The following ADGRL3 variants were observed in gnomAD, a reference collection of about 807,000 sequenced individuals.
ADGRL3 encodes the protein adhesion G protein-coupled receptor L3.
In ADGRL3, 62 loss-of-function variants were observed where a neutral mutation model predicts 153.5. The ratio of observed to expected loss-of-function variants is 0.40; its 90% CI spans 0.33 to 0.50. The LOEUF (loss-of-function observed/expected upper bound fraction) is 0.50. ADGRL3 is among the 20% of genes least tolerant of loss of function. ADGRL3 has a pLI of 0.47. For synonymous variants in ADGRL3, 710 were observed against 672.5 expected, an observed-to-expected ratio of 1.06 and a Z score of -0.86; for missense variants, 1,641 against 1,859.4, an observed-to-expected ratio of 0.88 and a Z score of 2.16.
intron 4 of ADGRL3, among the ~76,000 whole-genome samples, chr4:61,585,734 A>G (rs2098943813): frequency 6.6e-6 from 1 of 151,934 alleles, no homozygotes; most frequent in Non-Finnish European, 1.5e-5. Context: ...TTAACATTTG[A>G]CTCTTTTCCA....
At chr4:61,581,461 A>G (rs1360928140) in intron 4 of ADGRL3, among the ~76,000 whole-genome samples, 1 of 152,002 alleles carries the variant, frequency 6.6e-6, no homozygotes, top group Non-Finnish European at 1.5e-5. Context: ...CCACGGGACA[A>G]TTCCCTCCTA....
intron 8 of ADGRL3, among the ~76,000 whole-genome samples, chr4:61,741,415 G>A (rs998653133): frequency 5.3e-5 from 8 of 152,220 alleles, no homozygotes; most frequent in African/African-American, 1.7e-4. Context: ...AGCCCTATCT[G>A]TATTTTTATG....
At chr4:61,668,079 T>C (rs2094863141) in intron 5 of ADGRL3, among the ~76,000 whole-genome samples, 1 of 152,254 alleles carries the variant, frequency 6.6e-6, no homozygotes, top group Non-Finnish European at 1.5e-5. Flanking sequence ...GGACTTTTCA[T>C]ATATGATGAA....
intron 1 of ADGRL3, among the ~76,000 whole-genome samples, chr4:61,286,744 A>G (rs896985326): frequency 6.6e-6 from 1 of 151,808 alleles, no homozygotes; most frequent in Non-Finnish European, 1.5e-5. Context: ...TTTTGAAAAA[A>G]CAGTATTTTT....
intron 1 of ADGRL3, among the ~76,000 whole-genome samples, chr4:61,284,039 G>T (rs2093827641): frequency 6.6e-6 from 1 of 151,884 alleles, no homozygotes; most frequent in Non-Finnish European, 1.5e-5. Context: ...AGTACCTAAT[G>T]GATCCCAATG....
intron 1 of ADGRL3, among the ~76,000 whole-genome samples, chr4:61,282,045 G>C (rs915146582): frequency 2.6e-5 from 4 of 151,892 alleles, no homozygotes; most frequent in African/African-American, 9.7e-5. Context: ...ATTCTGTATA[G>C]AATGACTTCT....
At chr4:61,338,268 T>C (rs1184990740) in intron 1 of ADGRL3, among the ~76,000 whole-genome samples, 1 of 150,266 alleles carries the variant, frequency 6.7e-6, no homozygotes, top group Admixed American at 6.6e-5. Flanking sequence ...TGAGACTCTG[T>C]CTCAATTTAA....
At chr4:61,750,722 G>A (rs2152054770) in intron 8 of ADGRL3, among the ~76,000 whole-genome samples, 1 of 151,146 alleles carries the variant, frequency 6.6e-6, no homozygotes, top group East Asian at 2.0e-4. Flanking sequence ...CCCGGGAGGC[G>A]GAGCTTGCAG....
chr4:61,880,541 T>C (rs1434791989), intron 9 of ADGRL3, among the ~76,000 whole-genome samples: 2 of 152,188 alleles, frequency 1.3e-5, no homozygotes, highest in African/African-American at 4.8e-5. Context: ...AAATTACAGA[T>C]ATTTATTTTG....
intron 8 of ADGRL3, among the ~76,000 whole-genome samples, chr4:61,757,911 T>G (rs1248034822): frequency 6.6e-6 from 1 of 152,202 alleles, no homozygotes; most frequent in African/African-American, 2.4e-5. Context: ...GTTGCTCAGT[T>G]TCCATGTAGC....
intron 5 of ADGRL3, among the ~76,000 whole-genome samples, chr4:61,612,465 A>G (rs2149701962): frequency 6.6e-6 from 1 of 152,294 alleles, no homozygotes; most frequent in Middle Eastern, 3.4e-3. Context: ...CCTTTTAGTT[A>G]TTTGTTGGAT....
Position 61,806,350 on chromosome 4 carries a change from G to GGT in ADGRL3, c.1400-7448_1400-7447dup, listed in dbSNP as rs1305008443. On this transcript the variant is annotated intron_variant, in intron 8 of 26. Transcript: ENST00000683033. ...TCTAGAATAATTAGTGGGTAGCCAA[G>GGT]GTGTGTGTGTGTATGTGTGTATTTA... Among the ~76,000 whole-genome samples the GGT allele has an allele frequency of 2.6e-5, 4 of 151,502 alleles. No individual in the cohort carries two copies. In the East Asian group the frequency reaches 7.7e-4, roughly 29 times the overall value.
chr4:61,598,691 A>G lies in ADGRL3; in HGVS notation c.473+11251A>G, dbSNP rs150885997. The stretch of plus-strand genomic sequence containing the variant: ...GAGTGAGATCATAACTTCTGATGTA[A>G]GTATATAAGGTATATATGACATATA... On this transcript the variant is annotated intron_variant, in intron 5 of 26. Transcript: ENST00000683033. Among the ~76,000 whole-genome samples the G allele has an allele frequency of 1.3e-4, 20 of 152,338 alleles. No individual in the cohort carries two copies. The East Asian group carries it at 1.5e-3, about 12-fold the overall frequency.
rs893716249 is a variant in ADGRL3, at chr4:61,800,231, T to A, written c.1400-13578T>A. Among the ~76,000 whole-genome samples the A allele has an allele frequency of 5.9e-5, 9 of 152,270 alleles. No individual in the cohort carries two copies. The East Asian group carries it at 1.5e-3, about 26-fold the overall frequency. On this transcript the variant is annotated intron_variant, in intron 8 of 26. Coordinates refer to ENST00000683033, the MANE Select transcript of ADGRL3 (RefSeq NM_001387552.1). ...ACAGGAAAAATAATGTATGTATATA[T>A]TGTATATATGGGATATATAGATACA...
At chr4:61,445,112 C>A (rs896923794) in intron 2 of ADGRL3, among the ~76,000 whole-genome samples, 2 of 151,976 alleles carry the variant, frequency 1.3e-5, no homozygotes, top group African/African-American at 4.8e-5. Flanking sequence ...TTTATTGAAT[C>A]TCTCCATTAT....
chr4:61,494,549 G>A (rs2098292808), intron 2 of ADGRL3, among the ~76,000 whole-genome samples: 1 of 152,088 alleles, frequency 6.6e-6, no homozygotes, highest in Non-Finnish European at 1.5e-5. Flanking sequence ...TTTCTTTTCT[G>A]AGTTATACAC....
intron 6 of ADGRL3, among the ~76,000 whole-genome samples, chr4:61,685,243 A>G (rs2095421201): frequency 6.6e-6 from 1 of 152,030 alleles, no homozygotes; most frequent in African/African-American, 2.4e-5. Context: ...AATTCTCAAA[A>G]GCTAGTAATA....
chr4:61,975,517 T>C (rs2099044843), intron 17 of ADGRL3, among the ~76,000 whole-genome samples: 2 of 152,184 alleles, frequency 1.3e-5, no homozygotes, highest in South Asian at 4.1e-4. Context: ...AAGGCTTTTG[T>C]AAAGACTTAG....
In ADGRL3 at chr4:61,587,417, T is replaced by C. The variant is rs761316267; in HGVS notation, c.450T>C (p.Asp150=). 6.2e-7 allele frequency: 1 copy of C among 1,611,948 alleles called. No homozygotes were observed. The highest frequency in any genetic ancestry group is 1.3e-5 in the African/African-American group (1 of 74,832). The part of the protein sequence containing the change: ...QMENIRCYLP[D]AYKIMSQRCN... Reference sequence around the variant, plus strand: ...AGAATATCCGATGTTATCTGCCAGATGCCTATAAGATTATGTCTCAAAGGT... The same window carrying C: ...AGAATATCCGATGTTATCTGCCAGACGCCTATAAGATTATGTCTCAAAGGT... The change falls in exon 5 of 27, where the codon GAT becomes GAC. Residue 150 remains aspartate (D), a synonymous_variant. Transcript: ENST00000683033.
Sources: allele counts gnomAD v4.1 joint callset (sites outside exome capture counted in the v4.1 genomes callset), GRCh38; gene constraint gnomAD v4.1.1; transcripts MANE v1.5; gene names NCBI Gene and HGNC (gene_info 2026-07-23, HGNC 2026-07-21).